RFTN1: variants seen among roughly 807,000 people sequenced by gnomAD.
RFTN1 encodes raftlin, lipid raft linker 1.
Under a neutral mutation model 46.5 loss-of-function variants are expected in RFTN1, and 26 were observed. The ratio of observed to expected loss-of-function variants is 0.56; its 90% CI spans 0.41 to 0.78. The LOEUF (loss-of-function observed/expected upper bound fraction) is 0.78. RFTN1 is among the 30% of genes least tolerant of loss of function. RFTN1 has a pLI of 0.00. For synonymous variants in RFTN1, 261 were observed against 284.2 expected, an observed-to-expected ratio of 0.92 and a Z score of 0.82; for missense variants, 693 against 718.7, an observed-to-expected ratio of 0.96 and a Z score of 0.41.
intron 1 of RFTN1, among the ~76,000 whole-genome samples, chr3:16,503,426 C>G (rs1440448104): frequency 6.6e-6 from 1 of 152,170 alleles, no homozygotes; most frequent in Non-Finnish European, 1.5e-5. Context: ...ATCTGGAGAG[C>G]TGTTAAAAGC....
rs531778993 is a variant in RFTN1 at position 16,443,846 on chromosome 3, T to C, written c.146-9809A>G. Among the ~76,000 whole-genome samples the C allele has an allele frequency of 4.3e-4, 65 of 152,048 alleles. No homozygotes were observed. The highest frequency in any genetic ancestry group is 5.7e-4 in the Non-Finnish European group (39 of 68,010). The stretch of plus-strand genomic sequence containing the variant: ...AAGGAGACTGACTCAACAATTTCCA[T>C]TGACTGCATCCATTAATAAAACTCA... On this transcript the variant is annotated intron_variant, in intron 2 of 9. Transcript: ENST00000334133. This position sits in a 1 kb window ranked among gnomAD's most constrained non-coding sequence, Gnocchi z 5.5.
At position 16,316,930 on chromosome 3, in the gene RFTN1, C is replaced by T. The variant is rs1171719408; in HGVS notation, c.1635G>A (p.Arg545=). The change falls in exon 10 of 10, where the codon AGG becomes AGA. Residue 545 remains arginine (R), a synonymous_variant. Transcript: ENST00000334133. This position sits in a 1 kb window ranked among gnomAD's most constrained non-coding sequence, Gnocchi z 4.5. ...AVQNGPASHS[R]ALVGICTGHS... is the part of the protein sequence containing the mutation. ...GCCCAGTGCAAATCCCCACCAGGGC[C>T]CTGCTGTGGCTGGCAGGACCATTCT... is the stretch of plus-strand genomic sequence containing the variant. The T allele has an allele frequency of 1.9e-6, 3 of 1,614,012 alleles. No homozygotes were observed. Among genetic ancestry groups the T allele is most frequent in the Non-Finnish European group, 2.5e-6 (3 of 1,180,024 alleles).
Position 16,500,633 on chromosome 3 carries a change from A to G in RFTN1, c.-8-6756T>C, listed in dbSNP as rs2076695524. ...GACAGACATTGCAAATGATCTGGAA[A>G]CAAAGATCCCTTGAATGGTGATCTT... On this transcript the variant is annotated intron_variant, in intron 1 of 9. Coordinates refer to ENST00000334133, the MANE Select transcript of RFTN1 (RefSeq NM_015150.2). This position sits in a 1 kb window ranked among gnomAD's most constrained non-coding sequence, Gnocchi z 5.9. 6.6e-6 allele frequency among the ~76,000 whole-genome samples: 1 copy of G among 152,262 alleles called. No individual in the cohort carries two copies. Among genetic ancestry groups the G allele is most frequent in the South Asian group, 2.1e-4 (1 of 4,836 alleles).
rs189967003 is a variant in RFTN1 at position 16,370,722 on chromosome 3, C to A, written c.827-443G>T. 106 of 187,344 alleles carry A rather than the reference C, an allele frequency of 5.7e-4. No homozygotes were observed. The highest frequency in any genetic ancestry group is 2.3e-3 in the African/African-American group (99 of 42,564). 11.6% of individuals were successfully genotyped at this position (187,344 alleles called of 1,614,324 possible). ...AAAAATACTGCTCTAATTCCAGGAA[C>A]CTTGTACACTCCTGAACTCACTATT... is the stretch of plus-strand genomic sequence containing the variant. On this transcript the variant is annotated intron_variant, in intron 5 of 9. Coordinates refer to ENST00000334133, the MANE Select transcript of RFTN1 (RefSeq NM_015150.2). This position sits in a 1 kb window ranked among gnomAD's most constrained non-coding sequence, Gnocchi z 5.5.
In RFTN1 at chr3:16,342,948, T is replaced by TC. The variant is rs1393255982; in HGVS notation, c.1146+14983dup. Among the ~76,000 whole-genome samples the TC allele has an allele frequency of 1.3e-5, 2 of 152,198 alleles. No individual in the cohort carries two copies. The highest frequency in any genetic ancestry group is 6.5e-5 in the Admixed American group (1 of 15,292). ...TCAACCTCCCAGGCTCAAGTGAGCCTCCCACTACAGCCCCTCTGAGTCGCT... is the reference window on the plus strand; with the variant it reads ...TCAACCTCCCAGGCTCAAGTGAGCCTCCCCACTACAGCCCCTCTGAGTCGCT... On this transcript the variant is annotated intron_variant, in intron 7 of 9. Transcript: ENST00000334133. This position sits in a 1 kb window ranked among gnomAD's most constrained non-coding sequence, Gnocchi z 4.0.
At position 16,361,897 on chromosome 3, in the gene RFTN1, G is replaced by A. The variant is rs1181855849; in HGVS notation, c.1031-3850C>T. On this transcript the variant is annotated intron_variant, in intron 6 of 9. Coordinates refer to ENST00000334133, the MANE Select transcript of RFTN1 (RefSeq NM_015150.2). This position sits in a 1 kb window ranked among gnomAD's most constrained non-coding sequence, Gnocchi z 4.3. The stretch of plus-strand genomic sequence containing the variant: ...CAAATGGAGCAGAGCTGCCGCAGTG[G>A]AGCCCAGCTGAGACCAGTTCTGCCT... Among the ~76,000 whole-genome samples the A allele has an allele frequency of 6.6e-6, 1 of 152,206 alleles. No homozygotes were observed. The highest frequency in any genetic ancestry group is 1.5e-5 in the Non-Finnish European group (1 of 68,040).
In RFTN1 at chr3:16,335,078, C is replaced by T. The variant is rs1354261911; in HGVS notation, c.1147-8202G>A. Among the ~76,000 whole-genome samples the T allele has an allele frequency of 6.6e-6, 1 of 152,256 alleles. No homozygotes were observed. Among genetic ancestry groups the T allele is most frequent in the Non-Finnish European group, 1.5e-5 (1 of 68,042 alleles). ...ACCTTGGTTTTAGCCCCTTAATACT[C>T]ATTTCAGACTTCTGACTCAACAAAT... On this transcript the variant is annotated intron_variant, in intron 7 of 9. Coordinates refer to ENST00000334133, the MANE Select transcript of RFTN1 (RefSeq NM_015150.2). This position sits in a 1 kb window ranked among gnomAD's most constrained non-coding sequence, Gnocchi z 4.7.
Position 16,451,066 on chromosome 3 carries a change from T to A in RFTN1, c.146-17029A>T, listed in dbSNP as rs1348553070. On this transcript the variant is annotated intron_variant, in intron 2 of 9. Coordinates refer to ENST00000334133, the MANE Select transcript of RFTN1 (RefSeq NM_015150.2). This position sits in a 1 kb window ranked among gnomAD's most constrained non-coding sequence, Gnocchi z 4.2. ...ACCTGTGCATAAATGCTCACTAAGGTCAGGGGCTTGGATAAACTCTCATTA... is the reference window on the plus strand; with the variant it reads ...ACCTGTGCATAAATGCTCACTAAGGACAGGGGCTTGGATAAACTCTCATTA... Among the ~76,000 whole-genome samples the A allele has an allele frequency of 6.6e-6, 1 of 152,066 alleles. No individual in the cohort carries two copies.
chr3:16,322,786 C>T lies in RFTN1; in HGVS notation c.1332+590G>A, dbSNP rs1400805540. 2.6e-5 allele frequency among the ~76,000 whole-genome samples: 4 copies of T among 152,036 alleles called. No homozygotes were observed. The highest frequency in any genetic ancestry group is 4.4e-5 in the Non-Finnish European group (3 of 67,994). Reference sequence around the variant, plus strand: ...ACTGTTTCTAGGGTAGTTCAGAGTCCGGAGAGGGGGAAAAGGGCCCTGGGG... The same window carrying T: ...ACTGTTTCTAGGGTAGTTCAGAGTCTGGAGAGGGGGAAAAGGGCCCTGGGG... On this transcript the variant is annotated intron_variant, in intron 9 of 9. Transcript: ENST00000334133. The surrounding 1 kb of genome is among the most constrained non-coding windows in gnomAD (Gnocchi z 6.2).
chr3:16,461,446 A>G (rs1484171882), intron 2 of RFTN1, among the ~76,000 whole-genome samples: 1 of 152,212 alleles, frequency 6.6e-6, no homozygotes, highest in African/African-American at 2.4e-5. Flanking sequence ...AAATACATAC[A>G]CATAAATGTA....
chr3:16,495,201 C>T (rs182088990), intron 1 of RFTN1, among the ~76,000 whole-genome samples: 3 of 152,320 alleles, frequency 2.0e-5, no homozygotes, highest in Admixed American at 6.5e-5. Context: ...GAACTGATTA[C>T]TTGTAAAATA....
rs2125373895 is a variant in RFTN1 at position 16,376,404 on chromosome 3, T to C, written c.826+1314A>G. Among the ~76,000 whole-genome samples, 1 of 152,298 alleles carries C rather than the reference T, an allele frequency of 6.6e-6. No homozygotes were observed. The highest frequency in any genetic ancestry group is 2.4e-5 in the African/African-American group (1 of 41,570). On this transcript the variant is annotated intron_variant, in intron 5 of 9. Coordinates refer to ENST00000334133, the MANE Select transcript of RFTN1 (RefSeq NM_015150.2). The surrounding 1 kb of genome is among the most constrained non-coding windows in gnomAD (Gnocchi z 4.7). ...TTCTCCTGGGGGCCTCTGCCTGGCC[T>C]GACTCTCGCCCTCCCACAGTCCTGG... is the stretch of plus-strand genomic sequence containing the variant.
chr3:16,378,291 T>G (rs969105525), intron 4 of RFTN1, among the ~76,000 whole-genome samples, 189 bp from the exon 5 acceptor site: 3 of 152,202 alleles, frequency 2.0e-5, no homozygotes, highest in Non-Finnish European at 4.4e-5. Flanking sequence ...AGAAGACAGT[T>G]TTTTTAATTT....
chr3:16,366,798 G>C (rs558006070), intron 6 of RFTN1, among the ~76,000 whole-genome samples: 5,492 of 119,934 alleles, frequency 0.046, no homozygotes, highest in South Asian at 0.16. Context: ...CCCACACAAA[G>C]CAACCGCTAG....
rs954445688 is a variant in RFTN1, at chr3:16,338,242, C to A, written c.1147-11366G>T. The stretch of plus-strand genomic sequence containing the variant: ...CATCCTTATTATCAGGGGTGTCTGC[C>A]CACACACACCTGCATGAGCAGAATG... On this transcript the variant is annotated intron_variant, in intron 7 of 9. Transcript: ENST00000334133. This position sits in a 1 kb window ranked among gnomAD's most constrained non-coding sequence, Gnocchi z 5.3. Among the ~76,000 whole-genome samples the A allele has an allele frequency of 4.6e-5, 7 of 152,152 alleles. No homozygotes were observed. Among genetic ancestry groups the A allele is most frequent in the Non-Finnish European group, 8.8e-5 (6 of 68,032 alleles).
chr3:16,390,444 C>T (rs2074317296), intron 4 of RFTN1, among the ~76,000 whole-genome samples: 1 of 149,578 alleles, frequency 6.7e-6, no homozygotes, highest in South Asian at 2.2e-4. Context: ...TGTGATGGTG[C>T]ATCCAAACTG....
In RFTN1 at chr3:16,377,760, C is replaced by T. The variant is rs2073833667; in HGVS notation, c.784G>A (p.Glu262Lys). ...QGVSKTLDGPESNPLEVHEEP... is the reference protein window; with the variant it reads ...QGVSKTLDGPKSNPLEVHEEP... ...TCATGCACCTCCAAGGGGTTGCTCT[C>T]CGGTCCATCCAGTGTCTTGCTCACC... The change falls in exon 5 of 10, where the codon GAG (glutamate) becomes AAG (lysine). Residue 262 changes from glutamate to lysine, a missense_variant. By Grantham distance (56) the Glu-to-Lys change is moderately conservative. Transcript: ENST00000334133. 6.2e-7 allele frequency: 1 copy of T among 1,610,936 alleles called. No homozygotes were observed. The highest frequency in any genetic ancestry group is 8.5e-7 in the Non-Finnish European group (1 of 1,177,528).
At chr3:16,416,524 A>G (rs1482856179) in intron 3 of RFTN1, among the ~76,000 whole-genome samples, 1 of 152,228 alleles carries the variant, frequency 6.6e-6, no homozygotes, top group Non-Finnish European at 1.5e-5. Context: ...AATGTAAGAT[A>G]TTAATGGTGG....
rs1008518824 is a variant in RFTN1, at chr3:16,473,441, C to T, written c.145+20284G>A. Among the ~76,000 whole-genome samples, 3 of 151,492 alleles carry T rather than the reference C, an allele frequency of 2.0e-5. No individual in the cohort carries two copies. The highest frequency in any genetic ancestry group is 4.4e-5 in the Non-Finnish European group (3 of 67,930). ...CCTGAGATAGAGTCTGGCTCTGTCG[C>T]CAAGGCTGGAGTGCAGTGGTGTGAT... On this transcript the variant is annotated intron_variant, in intron 2 of 9. Transcript: ENST00000334133. This position sits in a 1 kb window ranked among gnomAD's most constrained non-coding sequence, Gnocchi z 5.3.
Sources: gnomAD v4.1 joint callset for allele counts (sites outside exome capture counted in the v4.1 genomes callset) on GRCh38, gnomAD v4.1.1 for gene constraint, Gnocchi (gnomAD v3.1) non-coding constraint, MANE v1.5 for transcripts, NCBI Gene and HGNC (gene_info 2026-07-23, HGNC 2026-07-21) for gene names.